RTTN: variants seen among roughly 807,000 people sequenced by gnomAD.
RTTN encodes rotatin.
RTTN carries 182 observed loss-of-function variants against 269.2 expected under a neutral mutation model. The ratio of observed to expected loss-of-function variants is 0.68; its 90% confidence interval spans 0.60 to 0.76. The LOEUF (loss-of-function observed/expected upper bound fraction) is 0.76. Among genes scored for constraint, RTTN ranks in the 30% least tolerant of loss-of-function variants. RTTN has a pLI of 0.00. For missense variants in RTTN, 2,545 were observed against 2,608.6 expected (o/e 0.98, Z 0.53); for synonymous variants, 1,006 against 963.5 (o/e 1.04, Z -0.82).
At chr18:70,123,124 C>A (rs1005253339) in intron 25 of RTTN, among the ~76,000 whole-genome samples, 1 of 152,106 alleles carries the variant, frequency 6.6e-6, no homozygotes, top group South Asian at 2.1e-4. Context: ...GGTTGTGAGT[C>A]AACTGACCAT....
At chr18:70,015,847 T>G (rs1277282998) in intron 46 of RTTN, among the ~76,000 whole-genome samples, 1 of 152,056 alleles carries the variant, frequency 6.6e-6, no homozygotes, top group African/African-American at 2.4e-5. Flanking sequence ...AAAAAAATCA[T>G]TCTAAGAAAG....
chr18:70,165,939 A>C lies in RTTN; in HGVS notation c.1929+123T>G, dbSNP rs565862824. ...CAGAATTGACTAGTAATTATCATCT[A>C]CTTTTATGGGATATAGTTCTTATAT... is the stretch of plus-strand genomic sequence containing the variant. On this transcript the variant is annotated intron_variant, in intron 14 of 48. Coordinates refer to ENST00000640769, the MANE Select transcript of RTTN (RefSeq NM_173630.4). 134 of 878,672 alleles carry C rather than the reference A, an allele frequency of 1.5e-4. No individual in the cohort carries two copies. In the African/African-American group the frequency reaches 1.8e-3, roughly 12 times the overall value. 54.4% of individuals were successfully genotyped at this position (878,672 alleles called of 1,614,324 possible).
At chr18:70,054,322 A>G in intron 37 of RTTN, 38 bp from the exon 38 acceptor site, 1 of 1,558,982 alleles carries the variant, frequency 6.4e-7, no homozygotes, top group Non-Finnish European at 8.7e-7. Flanking sequence ...CAAACATGCC[A>G]TATAAAAAGC....
intron 40 of RTTN, among the ~76,000 whole-genome samples, chr18:70,038,416 G>A (rs765259230): frequency 1.3e-5 from 2 of 152,206 alleles, no homozygotes; most frequent in Non-Finnish European, 2.9e-5. Flanking sequence ...TATATAGAGA[G>A]AGACTCTGTT....
intron 28 of RTTN, among the ~76,000 whole-genome samples, chr18:70,097,792 T>A (rs1318995354): frequency 6.6e-6 from 1 of 152,236 alleles, no homozygotes; most frequent in Non-Finnish European, 1.5e-5. Flanking sequence ...TAAGCCCTTT[T>A]GTTCTCCAAT....
At chr18:70,079,524 C>A (rs2058510215) in intron 32 of RTTN, among the ~76,000 whole-genome samples, 1 of 151,950 alleles carries the variant, frequency 6.6e-6, no homozygotes, top group South Asian at 2.1e-4. Context: ...CTCCATACAT[C>A]CATCAGTAAT....
chr18:70,066,014 G>A (rs1330810225), intron 34 of RTTN, 92 bp from the exon 35 acceptor site: 17 of 746,852 alleles, frequency 2.3e-5, no homozygotes, highest in South Asian at 9.5e-5. Context: ...TAAACAAGGA[G>A]GTTTAAGACA....
chr18:70,104,281 A>G (rs2059260757), intron 28 of RTTN, among the ~76,000 whole-genome samples: 1 of 152,096 alleles, frequency 6.6e-6, no homozygotes, highest in Non-Finnish European at 1.5e-5. Flanking sequence ...TGATCAAATC[A>G]GCTACTGAAG....
At chr18:70,135,346 A>T (rs1344224332) in intron 21 of RTTN, 66 bp from the exon 22 acceptor site, 1 of 945,034 alleles carries the variant, frequency 1.1e-6, no homozygotes, top group African/African-American at 1.7e-5. Flanking sequence ...CTTCAAATTT[A>T]AAATATCTTG....
chr18:70,102,862 T>C (rs2059206854), intron 28 of RTTN, among the ~76,000 whole-genome samples: 1 of 152,238 alleles, frequency 6.6e-6, no homozygotes, highest in African/African-American at 2.4e-5. Flanking sequence ...AATTCTGGGT[T>C]GAAAATTCTT....
intron 30 of RTTN, among the ~76,000 whole-genome samples, chr18:70,091,200 T>C (rs547820313): frequency 6.8e-4 from 104 of 152,094 alleles, no homozygotes; most frequent in Non-Finnish European, 1.2e-3. Flanking sequence ...TTTGAGGTTG[T>C]TGAGGGAGAA....
intron 40 of RTTN, among the ~76,000 whole-genome samples, chr18:70,039,885 G>A (rs1322230356): frequency 2.0e-5 from 3 of 152,148 alleles, no homozygotes; most frequent in African/African-American, 4.8e-5. Context: ...CATGCCATCA[G>A]TACTAAGCTG....
At chr18:70,189,377 A>G (rs2061619011) in intron 9 of RTTN, among the ~76,000 whole-genome samples, 2 of 152,214 alleles carry the variant, frequency 1.3e-5, no homozygotes, top group Admixed American at 1.3e-4. Flanking sequence ...GTGGCAAAAA[A>G]TAGACATGGG....
intron 46 of RTTN, among the ~76,000 whole-genome samples, chr18:70,015,822 T>C (rs1023275061): frequency 9.2e-5 from 4 of 43,424 alleles, no homozygotes; most frequent in African/African-American, 1.3e-4. Context: ...CTGGAGTAAG[T>C]AGCCCTCAAA....
At chr18:70,165,654 CAG>C (rs997581153) in intron 14 of RTTN, among the ~76,000 whole-genome samples, 7 of 149,712 alleles carry the variant, frequency 4.7e-5, no homozygotes, top group Non-Finnish European at 1.0e-4. Flanking sequence ...TTTAAGAAGA[CAG>C]AAAAATAAAT....
At chr18:70,069,472 G>A (rs564423753) in intron 34 of RTTN, among the ~76,000 whole-genome samples, 2 of 152,260 alleles carry the variant, frequency 1.3e-5, no homozygotes, top group Non-Finnish European at 2.9e-5. Context: ...TTATGCTTCA[G>A]TGTAAAATAA....
In RTTN at chr18:70,086,694, TAAAAAAAAAAAAAAAAAAAAAAAAAA is replaced by T; in HGVS notation, c.4303-36_4303-11del. 4 of 487,272 alleles carry T rather than the reference TAAAAAAAAAAAAAAAAAAAAAAAAAA, an allele frequency of 8.2e-6. No homozygotes were observed. The highest frequency in any genetic ancestry group is 9.8e-6 in the Non-Finnish European group (3 of 307,358). The allele number at this position is 487,272 out of a possible 1,614,324, so 30.2% of individuals were successfully genotyped here. A position where few individuals can be genotyped will look rare whatever the true frequency, so the allele number is the denominator to read the frequency against. ...GAAGAATAAATGCCGCCTGAAAATG[TAAAAAAAAAAAAAAAAAAAAAAAAAA>T]AAAAAAAAAAAAAGGTCAATACTGC... On this transcript the variant is annotated splice_polypyrimidine_tract_variant and intron_variant, in intron 31 of 48. Transcript: ENST00000640769.
chr18:70,156,669 TCC>T (rs2060686174), intron 14 of RTTN, among the ~76,000 whole-genome samples: 1 of 152,116 alleles, frequency 6.6e-6, no homozygotes, highest in Non-Finnish European at 1.5e-5. Context: ...ATGTGATGTC[TCC>T]CCCGGACGCC....
chr18:70,150,555 T>A, intron 15 of RTTN, 53 bp downstream of exon 15: 1 of 1,557,186 alleles, frequency 6.4e-7, no homozygotes, highest in Non-Finnish European at 8.8e-7. Flanking sequence ...TCACCTTGAT[T>A]TAGCTGAGTA....
Sources: gnomAD v4.1 joint callset for allele counts (sites outside exome capture counted in the v4.1 genomes callset) on GRCh38, gnomAD v4.1.1 for gene constraint, MANE v1.5 for transcripts, NCBI Gene and HGNC (gene_info 2026-07-23, HGNC 2026-07-21) for gene names.